Variants in RELN observed in about 807,000 individuals in gnomAD.
RELN encodes the protein reelin.
A neutral mutation model predicts 427.6 loss-of-function variants in RELN; 108 were observed. The ratio of observed to expected loss-of-function variants is 0.25; its 90% CI spans 0.22 to 0.30. The LOEUF (loss-of-function observed/expected upper bound fraction) is 0.30, where lower values mean the gene tolerates loss of function less well. Among genes scored for constraint, RELN ranks in the 10% least tolerant of loss-of-function variants. The pLI is 1.00. For synonymous variants in RELN, 1,524 were observed against 1,513.4 expected (o/e 1.01, Z -0.16); for missense variants, 3,715 against 4,302.8 (o/e 0.86, Z 3.82).
chr7:103,744,004 T>A (rs954093212), intron 6 of RELN, among the ~76,000 whole-genome samples: 2 of 152,150 alleles, frequency 1.3e-5, no homozygotes, highest in African/African-American at 2.4e-5. Flanking sequence ...ATTGACCACA[T>A]AGTTGGAAGT....
intron 3 of RELN, among the ~76,000 whole-genome samples, chr7:103,792,087 G>A (rs1229800012): frequency 6.6e-6 from 1 of 152,150 alleles, no homozygotes; most frequent in Non-Finnish European, 1.5e-5. Flanking sequence ...AGGATGTGGA[G>A]AAACTGTAAT....
chr7:103,983,571 T>TAAG (rs1355971654), intron 1 of RELN, among the ~76,000 whole-genome samples: 1 of 152,198 alleles, frequency 6.6e-6, no homozygotes, highest in East Asian at 1.9e-4. Flanking sequence ...CGCTTTTGCT[T>TAAG]AAAGTTGATG....
At chr7:103,942,313 T>C (rs895765351) in intron 1 of RELN, among the ~76,000 whole-genome samples, 3 of 152,164 alleles carry the variant, frequency 2.0e-5, no homozygotes, top group Admixed American at 6.5e-5. Context: ...CGACAATCCC[T>C]TGGCAACCCC....
At chr7:103,734,805 G>A (rs1411451343) in intron 6 of RELN, among the ~76,000 whole-genome samples, 1 of 152,160 alleles carries the variant, frequency 6.6e-6, no homozygotes, top group Admixed American at 6.5e-5. Context: ...TTCAAGGAAT[G>A]TTTATCATTT....
intron 1 of RELN, among the ~76,000 whole-genome samples, chr7:103,918,616 T>C (rs529582144): frequency 6.6e-5 from 10 of 152,306 alleles, no homozygotes; most frequent in Non-Finnish European, 5.9e-5. Context: ...GAATAATTTA[T>C]GGTACTCTTA....
intron 64 of RELN, among the ~76,000 whole-genome samples, chr7:103,477,576 G>A (rs1828080701): frequency 1.3e-5 from 2 of 152,288 alleles, no homozygotes; most frequent in African/African-American, 4.8e-5. Context: ...TTGACTTAAA[G>A]GCCATGCATT....
At chr7:103,505,127 G>A (rs1026972903) in intron 51 of RELN, among the ~76,000 whole-genome samples, 2 of 152,198 alleles carry the variant, frequency 1.3e-5, no homozygotes. Flanking sequence ...GGGAAGGGGT[G>A]CTGTGGGCAC....
chr7:103,745,666 A>G (rs1393359994), intron 6 of RELN, among the ~76,000 whole-genome samples: 6 of 150,802 alleles, frequency 4.0e-5, no homozygotes, highest in Non-Finnish European at 7.4e-5. Flanking sequence ...CCCATTCACA[A>G]TTGCTTCAAA....
intron 60 of RELN, 109 bp from the exon 61 acceptor site, chr7:103,486,525 C>T: frequency 1.6e-6 from 1 of 620,362 alleles, no homozygotes; most frequent in South Asian, 1.8e-5. Flanking sequence ...GTAAGAATGG[C>T]AAAATACAAG....
At chr7:103,503,872 A>G (rs1236824402) in intron 51 of RELN, among the ~76,000 whole-genome samples, 1 of 148,414 alleles carries the variant, frequency 6.7e-6, no homozygotes, top group African/African-American at 2.5e-5. Flanking sequence ...TTTTTTCTCC[A>G]GAAACATCCA....
intron 17 of RELN, 76 bp from the exon 18 acceptor site, chr7:103,636,544 A>C: frequency 1.1e-6 from 1 of 908,294 alleles, no homozygotes; most frequent in South Asian, 1.4e-5. Context: ...TTGGGGAGGA[A>C]GAAGTCCAGA....
chr7:103,546,494 T>C (rs1329109229), intron 41 of RELN, among the ~76,000 whole-genome samples: 4 of 152,230 alleles, frequency 2.6e-5, no homozygotes, highest in Non-Finnish European at 5.9e-5. Context: ...ATACATGTTT[T>C]CAATTCTTTT....
At chr7:103,982,797 G>T (rs1584420156) in intron 1 of RELN, among the ~76,000 whole-genome samples, 1 of 152,100 alleles carries the variant, frequency 6.6e-6, no homozygotes, top group African/African-American at 2.4e-5. Context: ...TCTATAACAT[G>T]TCACCTTTCC....
intron 3 of RELN, among the ~76,000 whole-genome samples, chr7:103,794,146 A>G (rs1792239588): frequency 6.6e-6 from 1 of 152,164 alleles, no homozygotes; most frequent in East Asian, 1.9e-4. Context: ...ATACTAAACT[A>G]TCTAGACTAG....
intron 1 of RELN, among the ~76,000 whole-genome samples, chr7:103,931,854 G>T (rs1457017438): frequency 6.6e-6 from 1 of 152,124 alleles, no homozygotes; most frequent in Non-Finnish European, 1.5e-5. Context: ...ACCTGGAGGT[G>T]GAGGGAACAC....
chr7:103,505,546 T>G (rs1033499359), intron 51 of RELN, among the ~76,000 whole-genome samples: 10 of 152,026 alleles, frequency 6.6e-5, no homozygotes, highest in African/African-American at 2.4e-4. Context: ...GGAGGTCCAC[T>G]CATAGACCCC....
chr7:103,795,204 A>G (rs530532730), intron 3 of RELN, among the ~76,000 whole-genome samples: 8 of 152,350 alleles, frequency 5.3e-5, no homozygotes, highest in Non-Finnish European at 1.2e-4. Context: ...GAAAGATTTG[A>G]CAAACACACA....
intron 28 of RELN, among the ~76,000 whole-genome samples, chr7:103,583,604 AC>A (rs1831203677): frequency 6.6e-6 from 1 of 152,236 alleles, no homozygotes; most frequent in Non-Finnish European, 1.5e-5. Context: ...CATCCTTTCC[AC>A]AAGGAAGAAC....
At chr7:103,742,439 A>T (rs36011270) in intron 6 of RELN, among the ~76,000 whole-genome samples, 44,926 of 152,120 alleles carry the variant, frequency 0.3, 7,544 homozygotes, top group Non-Finnish European at 0.38. Context: ...AAGTTGACAG[A>T]AGAAGGCTTC....
Sources: allele counts gnomAD v4.1 joint callset (sites outside exome capture counted in the v4.1 genomes callset), GRCh38; gene constraint gnomAD v4.1.1; transcripts MANE v1.5; gene names NCBI Gene and HGNC (gene_info 2026-07-23, HGNC 2026-07-21).